Variants in PIAS1 observed in about 807,000 individuals in gnomAD.
The protein encoded by PIAS1 is protein inhibitor of activated STAT 1.
PIAS1 carries 6 observed loss-of-function variants against 71.3 expected under a neutral mutation model. That is an observed-to-expected ratio of 0.08 (90% CI 0.05 to 0.17). PIAS1 has a LOEUF of 0.17. Among genes scored for constraint, PIAS1 ranks in the 10% least tolerant of loss-of-function variants. The probability of loss-of-function intolerance (pLI) is 1.00; values close to 1 mark genes in which losing one functional copy is unlikely to be tolerated. For synonymous variants in PIAS1, 303 were observed against 292.9 expected (o/e 1.03, Z -0.35); for missense variants, 555 against 793.6 (o/e 0.70, Z 3.61).
intron 4 of PIAS1, among the ~76,000 whole-genome samples, chr15:68,144,964 G>A (rs1020720685): frequency 2.0e-5 from 3 of 152,046 alleles, no homozygotes; most frequent in Non-Finnish European, 4.4e-5. Flanking sequence ...CACAGATTTC[G>A]GAGATAGGGT....
At chr15:68,131,369 A>G (rs2092686780) in intron 2 of PIAS1, among the ~76,000 whole-genome samples, 1 of 152,126 alleles carries the variant, frequency 6.6e-6, no homozygotes, top group East Asian at 1.9e-4. Flanking sequence ...ATGTTAATCA[A>G]TTTCCACAAC....
chr15:68,114,256 T>G lies in PIAS1; in HGVS notation c.469+27506T>G, dbSNP rs562300277. 1.5e-3 allele frequency among the ~76,000 whole-genome samples: 225 copies of G among 152,240 alleles called. 4 individuals carry two copies. Among genetic ancestry groups the G allele is most frequent in the African/African-American group, 5.1e-3 (214 of 41,582 alleles). On this transcript the variant is annotated intron_variant, in intron 2 of 13. Coordinates refer to ENST00000249636, the MANE Select transcript of PIAS1 (RefSeq NM_016166.3). ...ATGCTCTATACTTCATGTTTATATCTTGTCTTTTTCACTTAATATTTTATG... is the reference window on the plus strand; with the variant it reads ...ATGCTCTATACTTCATGTTTATATCGTGTCTTTTTCACTTAATATTTTATG...
At chr15:68,078,580 C>G (rs1273479590) in intron 1 of PIAS1, among the ~76,000 whole-genome samples, 1 of 152,184 alleles carries the variant, frequency 6.6e-6, no homozygotes, top group African/African-American at 2.4e-5. Flanking sequence ...CTCAGTGTAA[C>G]ATATACTCAG....
chr15:68,153,677 G>C lies in PIAS1; in HGVS notation c.916G>C (p.Asp306His), dbSNP rs1246210256. 6.5e-7 allele frequency: 1 copy of C among 1,535,364 alleles called. No individual in the cohort carries two copies. Among genetic ancestry groups the C allele is most frequent in the African/African-American group, 1.4e-5 (1 of 73,262 alleles). The change falls in exon 7 of 14, where the codon GAT becomes CAT. Residue 306 changes from aspartate (D) to histidine (H), a missense_variant. Asp to His is a moderately conservative substitution (Grantham distance 81). Coordinates refer to ENST00000249636, the MANE Select transcript of PIAS1 (RefSeq NM_016166.3). ...ACGAGCAAAGGGAATAAGGAATCCG[G>C]ATCATTCTAGAGCTTTAAGTACGTA... ...RLRAKGIRNP[D>H]HSRALIKEKL...
At chr15:68,150,772 A>T (rs913930197) in intron 6 of PIAS1, among the ~76,000 whole-genome samples, 1 of 152,184 alleles carries the variant, frequency 6.6e-6, no homozygotes, top group Non-Finnish European at 1.5e-5. Flanking sequence ...TCAAAACAGG[A>T]TGCTCAAAGG....
At chr15:68,076,942 T>C (rs564823240) in intron 1 of PIAS1, among the ~76,000 whole-genome samples, 5 of 152,118 alleles carry the variant, frequency 3.3e-5, no homozygotes, top group African/African-American at 1.2e-4. Flanking sequence ...AATAGAGGGG[T>C]GTAGGATACA....
chr15:68,113,225 A>G (rs372040010), intron 2 of PIAS1, among the ~76,000 whole-genome samples: 23 of 152,276 alleles, frequency 1.5e-4, no homozygotes, highest in African/African-American at 5.5e-4. Flanking sequence ...GTACATATCA[A>G]TGTATGTATA....
intron 1 of PIAS1, among the ~76,000 whole-genome samples, chr15:68,069,336 G>A (rs994302717): frequency 6.6e-6 from 1 of 152,044 alleles, no homozygotes; most frequent in Non-Finnish European, 1.5e-5. Flanking sequence ...TCTCCCTTAC[G>A]CTCCCCTCCT....
chr15:68,060,049 G>A (rs1383977137), intron 1 of PIAS1, among the ~76,000 whole-genome samples: 2 of 152,096 alleles, frequency 1.3e-5, no homozygotes, highest in Admixed American at 1.3e-4. Context: ...GCAGATACAG[G>A]TTTTACAAAA....
Position 68,186,326 on chromosome 15 carries a change from AAAGTT to A in PIAS1, c.1663-1213_1663-1209del, listed in dbSNP as rs1309995663. Among the ~76,000 whole-genome samples, 2 of 152,242 alleles carry A rather than the reference AAAGTT, an allele frequency of 1.3e-5. No individual in the cohort carries two copies. The highest frequency in any genetic ancestry group is 4.8e-5 in the African/African-American group (2 of 41,472). ...TGTTGTGTGTGTCATTTTTAACAAA[AAAGTT>A]AAAAAGTAAAAAATATTTTAAAATG... On this transcript the variant is annotated intron_variant, in intron 13 of 13. Transcript: ENST00000249636. The surrounding 1 kb of genome is among the most constrained non-coding windows in gnomAD (Gnocchi z 4.4).
chr15:68,119,589 A>G lies in PIAS1; in HGVS notation c.470-22357A>G, dbSNP rs192895331. 2.7e-4 allele frequency among the ~76,000 whole-genome samples: 41 copies of G among 152,320 alleles called. No homozygotes were observed. The East Asian group carries it at 6.8e-3, about 25-fold the overall frequency. On this transcript the variant is annotated intron_variant, in intron 2 of 13. Coordinates refer to ENST00000249636, the MANE Select transcript of PIAS1 (RefSeq NM_016166.3). Reference sequence around the variant, plus strand: ...AATTGAGATTTGTTTTTGACTCAGAATATGGTCTATCTTGGTAAATGTTCT... The same window carrying G: ...AATTGAGATTTGTTTTTGACTCAGAGTATGGTCTATCTTGGTAAATGTTCT...
intron 2 of PIAS1, among the ~76,000 whole-genome samples, chr15:68,087,515 G>A (rs1052131417): frequency 6.6e-6 from 1 of 152,002 alleles, no homozygotes; most frequent in Non-Finnish European, 1.5e-5. Context: ...GGCATACTAC[G>A]GCTGGCAAGC....
intron 2 of PIAS1, among the ~76,000 whole-genome samples, chr15:68,106,687 A>G (rs796446812): frequency 5.5e-4 from 84 of 152,052 alleles, no homozygotes; most frequent in African/African-American, 1.9e-3. Flanking sequence ...TACCCCACAA[A>G]ATCCCCTCCA....
chr15:68,065,318 T>A (rs1323752168), intron 1 of PIAS1, among the ~76,000 whole-genome samples: 3 of 152,166 alleles, frequency 2.0e-5, no homozygotes, highest in South Asian at 2.1e-4. Context: ...CTGGGGGCAG[T>A]GGCTCACACC....
chr15:68,169,177 T>C lies in PIAS1; in HGVS notation c.1008+4373T>C, dbSNP rs533984929. On this transcript the variant is annotated intron_variant, in intron 8 of 13. Coordinates refer to ENST00000249636, the MANE Select transcript of PIAS1 (RefSeq NM_016166.3). ...GTATTAAGGCAATAGCAAAAGTACC[T>C]TATAAAATAGGAATTTGTATTTCAT... Among the ~76,000 whole-genome samples, 8 of 152,340 alleles carry C rather than the reference T, an allele frequency of 5.3e-5. No individual in the cohort carries two copies. The East Asian group carries it at 1.5e-3, about 29-fold the overall frequency.
At chr15:68,100,098 G>GAAA (rs56224845) in intron 2 of PIAS1, among the ~76,000 whole-genome samples, 5 of 138,824 alleles carry the variant, frequency 3.6e-5, no homozygotes, top group African/African-American at 1.3e-4. Flanking sequence ...ATTTCTTCGG[G>GAAA]AAAAAAAAAA....
intron 2 of PIAS1, among the ~76,000 whole-genome samples, chr15:68,088,691 T>A (rs910226478): frequency 6.6e-6 from 1 of 152,190 alleles, no homozygotes; most frequent in African/African-American, 2.4e-5. Context: ...TTATTGAATG[T>A]GAAAAATATT....
rs770693174 is a variant in PIAS1 at position 68,164,750 on chromosome 15, G to A, written c.954G>A (p.Ala318=). 1.4e-5 allele frequency: 23 copies of A among 1,593,584 alleles called. No individual in the cohort carries two copies. The Admixed American group carries it at 2.0e-4, about 14-fold the overall frequency. ...SRALIKEKLT[A]DPDSEIATTS... The stretch of plus-strand genomic sequence containing the variant: ...TATCAGTTAAAGAGAAGTTGACTGC[G>A]GATCCAGACAGTGAAATAGCTACAA... The change falls in exon 8 of 14, where the codon GCG becomes GCA. Residue 318 remains alanine (A), a synonymous_variant. Transcript: ENST00000249636.
chr15:68,167,191 TTG>T lies in PIAS1; in HGVS notation c.1008+2409_1008+2410del, dbSNP rs71725124. Among the ~76,000 whole-genome samples, 79 of 149,430 alleles carry T rather than the reference TTG, an allele frequency of 5.3e-4. No individual in the cohort carries two copies. Among genetic ancestry groups the T allele is most frequent in the South Asian group, 1.3e-3 (6 of 4,750 alleles). On this transcript the variant is annotated intron_variant, in intron 8 of 13. Coordinates refer to ENST00000249636, the MANE Select transcript of PIAS1 (RefSeq NM_016166.3). The surrounding 1 kb of genome is among the most constrained non-coding windows in gnomAD (Gnocchi z 4.4). ...AAAACAAAACAACTATATATGTATA[TTG>T]TGTGTGTGTGTGTGTGTGTGTATGT...
Sources: gnomAD v4.1 joint callset for allele counts (sites outside exome capture counted in the v4.1 genomes callset) on GRCh38, gnomAD v4.1.1 for gene constraint, Gnocchi (gnomAD v3.1) non-coding constraint, MANE v1.5 for transcripts, NCBI Gene and HGNC (gene_info 2026-07-23, HGNC 2026-07-21) for gene names.